RPS6KA3: variants seen among roughly 807,000 people sequenced by gnomAD.
RPS6KA3 encodes ribosomal protein S6 kinase alpha-3.
Under a neutral mutation model 67.2 loss-of-function variants are expected in RPS6KA3, and 4 were observed. That is an observed-to-expected ratio of 0.06 (90% CI 0.03 to 0.14). The LOEUF is 0.14. RPS6KA3 is among the 10% of genes least tolerant of loss of function. The pLI is 1.00. For synonymous variants in RPS6KA3, 182 were observed against 183.7 expected, an observed-to-expected ratio of 0.99 and a Z score of 0.07; for missense variants, 204 against 559.0, an observed-to-expected ratio of 0.36 and a Z score of 6.40.
intron 10 of RPS6KA3, among the ~76,000 whole-genome samples, chrX:20,182,304 CT>C (rs1195388279): frequency 3.6e-5 from 4 of 111,754 alleles, no homozygotes; most frequent in Non-Finnish European, 7.5e-5. Flanking sequence ...TCATATAGTA[CT>C]TTTTCTTTTG....
Position 20,266,741 on chromosome X carries a change from G to A in RPS6KA3, c.-109C>T, listed in dbSNP as rs1158295679. The A allele has an allele frequency of 5.9e-6, 2 of 336,908 alleles. No homozygotes were observed. Among genetic ancestry groups the A allele is most frequent in the Non-Finnish European group, 6.9e-6 (2 of 290,130 alleles). 27.8% of individuals were successfully genotyped at this position (336,908 alleles called of 1,213,427 possible). On this transcript the variant is annotated 5_prime_UTR_variant, in exon 1 of 22. Coordinates refer to ENST00000379565, the MANE Select transcript of RPS6KA3 (RefSeq NM_004586.3). Reference sequence around the variant, plus strand: ...CCACGGCAGCGGCGGCGGCGGCGGCGGCGGCGGCAGCGGCAGCGGCAGCGG... The same window carrying A: ...CCACGGCAGCGGCGGCGGCGGCGGCAGCGGCGGCAGCGGCAGCGGCAGCGG...
intron 4 of RPS6KA3, among the ~76,000 whole-genome samples, chrX:20,196,851 CT>C (rs201139805): frequency 1.5e-4 from 17 of 111,248 alleles, no homozygotes; most frequent in African/African-American, 5.6e-4. Context: ...GATATGCCCC[CT>C]TTTTTTTGAG....
chrX:20,187,086 T>G (rs1310380363), intron 9 of RPS6KA3, among the ~76,000 whole-genome samples: 1 of 111,534 alleles, frequency 9.0e-6, no homozygotes, highest in Non-Finnish European at 1.9e-5. Context: ...CAGCCTGATT[T>G]TTGTATTTTT....
At chrX:20,214,637 C>T (rs2068799510) in intron 2 of RPS6KA3, among the ~76,000 whole-genome samples, 1 of 111,027 alleles carries the variant, frequency 9.0e-6, no homozygotes, top group Non-Finnish European at 1.9e-5. Flanking sequence ...ATGCCAGATG[C>T]TTGGTGAACC....
chrX:20,218,816 C>G, intron 2 of RPS6KA3: 1 of 1,194,205 alleles, frequency 8.4e-7, no homozygotes, highest in Non-Finnish European at 1.1e-6. Context: ...AGAGCGAACA[C>G]GAAAAGACAA....
intron 1 of RPS6KA3, among the ~76,000 whole-genome samples, chrX:20,249,681 A>C (rs1258214443): frequency 8.9e-6 from 1 of 112,030 alleles, no homozygotes; most frequent in Non-Finnish European, 1.9e-5. Context: ...AGTTCTTTGA[A>C]TATTGTAAAT....
intron 9 of RPS6KA3, 143 bp from the exon 10 acceptor site, chrX:20,186,509 C>G (rs751067482): frequency 2.2e-6 from 1 of 445,590 alleles, no homozygotes; most frequent in Non-Finnish European, 3.9e-6. Flanking sequence ...CTATTTCTAC[C>G]ATATTCGTTA....
chrX:20,233,826 A>C (rs948753542), intron 2 of RPS6KA3, among the ~76,000 whole-genome samples: 3 of 112,455 alleles, frequency 2.7e-5, no homozygotes, highest in African/African-American at 9.7e-5. Context: ...AAGATGTTCA[A>C]GACATGTTAA....
rs781343520 is a variant in RPS6KA3 at position 20,193,597 on chromosome X, A to C, written c.487-4T>G. On this transcript the variant is annotated splice_region_variant and splice_polypyrimidine_tract_variant and intron_variant, in intron 6 of 21. Coordinates refer to ENST00000379565, the MANE Select transcript of RPS6KA3 (RefSeq NM_004586.3). Reference sequence around the variant, plus strand: ...CATCTTCTTCTGTGAACATCACCTAAAATAAAACAATAATTTTTCTAAATT... The same window carrying C: ...CATCTTCTTCTGTGAACATCACCTACAATAAAACAATAATTTTTCTAAATT... 9.2e-7 allele frequency: 1 copy of C among 1,091,821 alleles called. No individual in the cohort carries two copies. The highest frequency in any genetic ancestry group is 1.3e-6 in the Non-Finnish European group (1 of 791,864). 90.0% of individuals were successfully genotyped at this position (1,091,821 alleles called of 1,213,427 possible).
At chrX:20,223,165 C>T (rs775793167) in intron 2 of RPS6KA3, among the ~76,000 whole-genome samples, 11 of 111,423 alleles carry the variant, frequency 9.9e-5, no homozygotes, top group East Asian at 5.6e-4. Context: ...TAATTCTATA[C>T]GTAATTTGTA....
chrX:20,245,313 T>C (rs998716204), intron 1 of RPS6KA3, among the ~76,000 whole-genome samples: 1 of 112,239 alleles, frequency 8.9e-6, no homozygotes, highest in African/African-American at 3.2e-5. Context: ...TTACTGATTC[T>C]ATGTTTAAAG....
Position 20,150,686 on chromosome X carries a change from TC to T in RPS6KA3, c.*4711del, listed in dbSNP as rs1264844228. 8.9e-6 allele frequency: 1 copy of T among 112,529 alleles called. No individual in the cohort carries two copies. The highest frequency in any genetic ancestry group is 1.9e-5 in the Non-Finnish European group (1 of 53,196). The allele number at this position is 112,529 out of a possible 1,213,427, so 9.3% of individuals were successfully genotyped here. A position where few individuals can be genotyped will look rare whatever the true frequency, so the allele number is the denominator to read the frequency against. On this transcript the variant is annotated 3_prime_UTR_variant, in exon 22 of 22. Transcript: ENST00000379565. Reference sequence around the variant, plus strand: ...GATAACAGGAGTAAAGATGTTCACTTCCATTAGACAATGAACTAATCTACTT... The same window carrying T: ...GATAACAGGAGTAAAGATGTTCACTTCATTAGACAATGAACTAATCTACTT...
chrX:20,218,033 C>T (rs1053085926), intron 2 of RPS6KA3, among the ~76,000 whole-genome samples: 4 of 111,831 alleles, frequency 3.6e-5, no homozygotes, highest in Non-Finnish European at 7.5e-5. Context: ...TTTGAGAAAA[C>T]AGCAAGCTGG....
intron 1 of RPS6KA3, among the ~76,000 whole-genome samples, chrX:20,247,929 T>C (rs1047745817): frequency 7.1e-5 from 8 of 111,986 alleles, no homozygotes; most frequent in African/African-American, 1.3e-4. Flanking sequence ...TAAAGAACCA[T>C]AGCTTTTTTT....
At chrX:20,237,817 C>G (rs769288857) in intron 1 of RPS6KA3, among the ~76,000 whole-genome samples, 2 of 111,533 alleles carry the variant, frequency 1.8e-5, no homozygotes, top group African/African-American at 6.5e-5. Flanking sequence ...TCTGTTCCTA[C>G]TACACATAAT....
chrX:20,212,921 T>C (rs1201188438), intron 2 of RPS6KA3, among the ~76,000 whole-genome samples: 1 of 111,746 alleles, frequency 8.9e-6, no homozygotes, highest in Admixed American at 9.5e-5. Context: ...GAAACTAGAT[T>C]GGTTACTCAT....
chrX:20,214,559 A>G (rs1024675727), intron 2 of RPS6KA3, among the ~76,000 whole-genome samples: 4 of 111,349 alleles, frequency 3.6e-5, no homozygotes, highest in African/African-American at 6.5e-5. Flanking sequence ...AGCTTTAAAG[A>G]TTTTCTCTGT....
intron 1 of RPS6KA3, among the ~76,000 whole-genome samples, chrX:20,254,222 G>C (rs1244924960): frequency 8.9e-6 from 1 of 111,869 alleles, no homozygotes; most frequent in African/African-American, 3.2e-5. Flanking sequence ...TTTAATTTCA[G>C]AGATTCTAGG....
At chrX:20,159,108 C>A (rs776229450) in intron 20 of RPS6KA3, among the ~76,000 whole-genome samples, 1 of 112,219 alleles carries the variant, frequency 8.9e-6, no homozygotes, top group Non-Finnish European at 1.9e-5. Context: ...AACTGCTTTT[C>A]TCTCATTTCT....
Sources: gnomAD v4.1 joint callset for allele counts (sites outside exome capture counted in the v4.1 genomes callset) on GRCh38, gnomAD v4.1.1 for gene constraint, MANE v1.5 for transcripts, NCBI Gene and HGNC (gene_info 2026-07-23, HGNC 2026-07-21) for gene names.